EVC: variants seen among roughly 807,000 people sequenced by gnomAD.
EVC encodes EvC ciliary complex subunit 1, also known as evC complex member EVC.
Under a neutral mutation model 118.9 loss-of-function variants are expected in EVC, and 116 were observed. The observed-to-expected ratio is 0.98, with a 90% confidence interval of 0.84 to 1.14. The LOEUF is 1.14. EVC is among the 50% of genes most tolerant of loss of function. The probability of loss-of-function intolerance (pLI) is 0.00; values close to 1 mark genes in which losing one functional copy is unlikely to be tolerated. For missense variants in EVC, 1,401 were observed against 1,246.4 expected, an observed-to-expected ratio of 1.12 and a Z score of -1.87; for synonymous variants, 619 against 534.7, an observed-to-expected ratio of 1.16 and a Z score of -2.18.
In EVC at chr4:5,711,530, G is replaced by A. The variant is rs1257185745; in HGVS notation, c.150G>A (p.Ala50=). ...LGLGLWLGCR[A]GRQRTRHQKD... ...TCGGCCTTTGGCTTGGCTGCCGCGC[G>A]GGCCGCCAGCGCACGCGACACCAGG... The change falls in exon 1 of 21, where the codon GCG becomes GCA. Residue 50 remains alanine (A), a synonymous_variant. Coordinates refer to ENST00000264956, the MANE Select transcript of EVC (RefSeq NM_153717.3). 4 of 1,163,520 alleles carry A rather than the reference G, an allele frequency of 3.4e-6. No homozygotes were observed. Among genetic ancestry groups the A allele is most frequent in the African/African-American group, 1.6e-5 (1 of 61,760 alleles). The allele number at this position is 1,163,520 out of a possible 1,614,324, so 72.1% of individuals were successfully genotyped here.
intron 12 of EVC, among the ~76,000 whole-genome samples, chr4:5,788,692 C>T (rs1712178946): frequency 1.3e-5 from 2 of 152,102 alleles, no homozygotes; most frequent in South Asian, 2.1e-4. Context: ...TGAATGTAAC[C>T]ACTATTCAGC....
intron 12 of EVC, among the ~76,000 whole-genome samples, chr4:5,785,641 GTC>G (rs1397804026): frequency 1.3e-5 from 2 of 152,174 alleles, no homozygotes; most frequent in Non-Finnish European, 1.5e-5. Context: ...TGACTTGTCT[GTC>G]TCCTGCATTT....
At chr4:5,725,683 G>A (rs1725697986) in intron 2 of EVC, among the ~76,000 whole-genome samples, 1 of 152,170 alleles carries the variant, frequency 6.6e-6, no homozygotes, top group Non-Finnish European at 1.5e-5. Context: ...CTTACACTCT[G>A]ATGATAGTTT....
chr4:5,729,582 A>G (rs571424276), intron 3 of EVC, among the ~76,000 whole-genome samples, 192 bp downstream of exon 3: 151 of 152,292 alleles, frequency 9.9e-4, no homozygotes, highest in Middle Eastern at 6.8e-3. Flanking sequence ...CGGAAGTTCC[A>G]TGGTTCCTTG....
intron 5 of EVC, among the ~76,000 whole-genome samples, chr4:5,736,861 A>T (rs2151966679): frequency 6.6e-6 from 1 of 152,294 alleles, no homozygotes; most frequent in Non-Finnish European, 1.5e-5. Context: ...TAAGCCAGTT[A>T]GTAACGCTGC....
downstream of EVC, among the ~76,000 whole-genome samples, chr4:5,816,682 C>CCTCCCTTCCCTTCTCCCCTCT (rs1717743967): frequency 6.7e-6 from 1 of 148,368 alleles, no homozygotes; most frequent in African/African-American, 2.5e-5. Context: ...CCCTTCCCTC[C>CCTCCCTTCCCTTCTCCCCTCT]CTCCCTTCCC....
rs1196812873 is a variant in EVC at position 5,760,542 on chromosome 4, GTGTTTTT to G, written c.1563+4201_1563+4207del. On this transcript the variant is annotated intron_variant, in intron 11 of 20. Transcript: ENST00000264956. ...TGTGAAATTCTCCACATCTGTGTGGGTGTTTTTTGTTTTTTGTTTTTTGTTTTCAGAC... is the reference window on the plus strand; with the variant it reads ...TGTGAAATTCTCCACATCTGTGTGGGTGTTTTTTGTTTTTTGTTTTCAGAC... 3.7e-3 allele frequency among the ~76,000 whole-genome samples: 561 copies of G among 152,166 alleles called. 15 individuals are homozygous for G. Among genetic ancestry groups the G allele is most frequent in the African/African-American group, 0.011 (468 of 41,468 alleles).
In EVC at chr4:5,789,837, G is replaced by A. The variant is rs144215912; in HGVS notation, c.1777-3771G>A. ...AGTTTAAGCTGCATTCTCAAAACAC[G>A]CAGCAAAGACCCCTATATACTTTAG... On this transcript the variant is annotated intron_variant, in intron 12 of 20. Transcript: ENST00000264956. This position sits in a 1 kb window ranked among gnomAD's most constrained non-coding sequence, Gnocchi z 4.3. 3.9e-5 allele frequency among the ~76,000 whole-genome samples: 6 copies of A among 152,200 alleles called. No individual in the cohort carries two copies. The East Asian group carries it at 7.7e-4, about 20-fold the overall frequency.
At chr4:5,827,733 G>GCACA in the EVC span, among the ~76,000 whole-genome samples, 22 of 138,330 alleles carry the variant, frequency 1.6e-4, 1 homozygote, top group East Asian at 6.5e-4. Flanking sequence ...ATGTGCGCGT[G>GCACA]CACACACACA....
Position 5,756,209 on chromosome 4 carries a change from A to G in EVC, c.1465-55A>G. 2 of 1,438,552 alleles carry G rather than the reference A, an allele frequency of 1.4e-6. No individual in the cohort carries two copies. Among genetic ancestry groups the G allele is most frequent in the Admixed American group, 1.9e-5 (1 of 51,436 alleles). The allele number at this position is 1,438,552 out of a possible 1,614,324, so 89.1% of individuals were successfully genotyped here. A position where few individuals can be genotyped will look rare whatever the true frequency, so the allele number is the denominator to read the frequency against. On this transcript the variant is annotated intron_variant, in intron 10 of 20. Transcript: ENST00000264956. The surrounding 1 kb of genome is among the most constrained non-coding windows in gnomAD (Gnocchi z 4.2). ...GGATGGTTGGAGAACCTTCTGGAAA[A>G]AAAAAAAAAAACCCTGCATGTTTCT...
intron 1 of EVC, among the ~76,000 whole-genome samples, chr4:5,717,668 G>A (rs1351368052): frequency 6.6e-6 from 1 of 152,194 alleles, no homozygotes; most frequent in African/African-American, 2.4e-5. Context: ...GCCCAGCATG[G>A]GCCTGCCTCC....
chr4:5,763,246 T>C lies in EVC; in HGVS notation c.1563+6884T>C, dbSNP rs1187900653. 1.5e-3 allele frequency among the ~76,000 whole-genome samples: 214 copies of C among 144,594 alleles called. 3 individuals are homozygous for C. Among genetic ancestry groups the C allele is most frequent in the Middle Eastern group, 6.8e-3 (2 of 292 alleles). 94.9% of individuals were successfully genotyped at this position (144,594 alleles called of 152,430 possible). ...GGCATTATTTCTGAGGGCTCTGTTC[T>C]GTTCCATTGATCTATATCTGTTTTG... On this transcript the variant is annotated intron_variant, in intron 11 of 20. Transcript: ENST00000264956.
At chr4:5,821,292 C>CCTG in the EVC span, 1 of 157,528 alleles carries the variant, frequency 6.3e-6, no homozygotes, top group Non-Finnish European at 1.4e-5. This position sits in a 1 kb window ranked among gnomAD's most constrained non-coding sequence, Gnocchi z 4.4. Context: ...GGGACTGCCC[C>CCTG]TCAGGGCTTG....
chr4:5,753,769 C>T lies in EVC; in HGVS notation c.1316-16C>T, dbSNP rs760918290. The T allele has an allele frequency of 1.9e-6, 3 of 1,614,150 alleles. No individual in the cohort carries two copies. The highest frequency in any genetic ancestry group is 2.2e-5 in the South Asian group (2 of 91,088). On this transcript the variant is annotated splice_polypyrimidine_tract_variant and intron_variant, in intron 9 of 20. Coordinates refer to ENST00000264956, the MANE Select transcript of EVC (RefSeq NM_153717.3). ...CACAGAGTCACCTCCTATGCTGTGG[C>T]TTTTTTCAATCCCAGAGTTTGTCCA...
chr4:5,779,159 G>A (rs1192425924), intron 11 of EVC, among the ~76,000 whole-genome samples: 4 of 150,800 alleles, frequency 2.7e-5, no homozygotes, highest in Non-Finnish European at 3.0e-5. Context: ...GTAGATATGC[G>A]GCATTATTTC....
intron 5 of EVC, among the ~76,000 whole-genome samples, chr4:5,741,444 A>G (rs576899028): frequency 6.6e-6 from 1 of 152,370 alleles, no homozygotes; most frequent in Non-Finnish European, 1.5e-5. Flanking sequence ...TGCACAGAGT[A>G]AGCACTCAAT....
chr4:5,761,544 T>A (rs923738596), intron 11 of EVC, among the ~76,000 whole-genome samples: 5 of 151,808 alleles, frequency 3.3e-5, no homozygotes, highest in Non-Finnish European at 7.4e-5. Flanking sequence ...GAGGAACAGT[T>A]ACACACTTGA....
chr4:5,747,721 T>C (rs1455641589), intron 7 of EVC, among the ~76,000 whole-genome samples: 1 of 152,242 alleles, frequency 6.6e-6, no homozygotes, highest in Non-Finnish European at 1.5e-5. Context: ...TTTTGTACTT[T>C]TAGGACAATA....
At chr4:5,793,373 G>T in intron 12 of EVC, 2 of 533,010 alleles carry the variant, frequency 3.8e-6, no homozygotes, top group South Asian at 4.2e-5. Flanking sequence ...ATAAATTTTA[G>T]ATACTTCAAT....
Sources: allele counts gnomAD v4.1 joint callset (sites outside exome capture counted in the v4.1 genomes callset), GRCh38; gene constraint gnomAD v4.1.1; non-coding constraint Gnocchi (gnomAD v3.1); transcripts MANE v1.5; gene names NCBI Gene and HGNC (gene_info 2026-07-23, HGNC 2026-07-21).